MGAT5B: variants seen among roughly 807,000 people sequenced by gnomAD.
MGAT5B encodes the protein alpha-1,6-mannosylglycoprotein 6-beta-N-acetylglucosaminyltransferase B, also known as N-acetylglucosaminyl-transferase Vb.
Under a neutral mutation model 95.1 loss-of-function variants are expected in MGAT5B, and 54 were observed. The ratio of observed to expected loss-of-function variants is 0.57; its 90% CI spans 0.46 to 0.71. MGAT5B has a LOEUF of 0.71. Among genes scored for constraint, MGAT5B ranks in the 30% least tolerant of loss-of-function variants. The pLI, the probability that MGAT5B is intolerant of heterozygous loss-of-function variation, is 0.00. For synonymous variants in MGAT5B, 464 were observed against 451.0 expected (o/e 1.03, Z -0.36); for missense variants, 935 against 1,088.6 (o/e 0.86, Z 1.99).
chr17:76,923,228 C>T (rs561686075), intron 8 of MGAT5B, among the ~76,000 whole-genome samples: 2 of 152,294 alleles, frequency 1.3e-5, no homozygotes, highest in Admixed American at 1.3e-4. Flanking sequence ...TCAAGGAGCC[C>T]AGACACAGCC....
At chr17:76,880,446 A>C (rs1967367921) in intron 2 of MGAT5B, among the ~76,000 whole-genome samples, 1 of 152,140 alleles carries the variant, frequency 6.6e-6, no homozygotes, top group African/African-American at 2.4e-5. Flanking sequence ...GAGCCAGGGA[A>C]GAAGGGCAGA....
At position 76,948,010 on chromosome 17, in the gene MGAT5B, G is replaced by C. The variant is rs201168609; in HGVS notation, c.2104G>C (p.Asp702His). ...WLAVPGRACT[D>H]TCLDHGLICE... Reference sequence around the variant, plus strand: ...GGCCGTGCCTGGGAGGGCCTGCACCGACACCTGCCTGGACCACGGGCTAAT... The same window carrying C: ...GGCCGTGCCTGGGAGGGCCTGCACCCACACCTGCCTGGACCACGGGCTAAT... The change falls in exon 17 of 18, where the codon GAC becomes CAC. Residue 702 changes from aspartate to histidine, a missense_variant. Physicochemically the swap from Asp to His is moderately conservative, Grantham distance 81 (BLOSUM62 -1). This residue lies in a region of MGAT5B where 440 missense variants were observed against 523.6 expected (regional missense o/e 0.84). Coordinates refer to ENST00000569840, the MANE Select transcript of MGAT5B (RefSeq NM_001199172.2). 1.2e-6 allele frequency: 2 copies of C among 1,612,708 alleles called. No individual in the cohort carries two copies. Among genetic ancestry groups the C allele is most frequent in the Admixed American group, 1.7e-5 (1 of 59,892 alleles).
At position 76,870,599 on chromosome 17, in the gene MGAT5B, G is replaced by A. The variant is rs1158373810; in HGVS notation, c.68+1502G>A. Reference sequence around the variant, plus strand: ...CGACCCAGGGCTGCTTCCCTGTCTGGTCCTGCCCTGGTTTTCTTTCAGGCC... The same window carrying A: ...CGACCCAGGGCTGCTTCCCTGTCTGATCCTGCCCTGGTTTTCTTTCAGGCC... On this transcript the variant is annotated intron_variant, in intron 1 of 17. Transcript: ENST00000569840. This position sits in a 1 kb window ranked among gnomAD's most constrained non-coding sequence, Gnocchi z 5.0. Among the ~76,000 whole-genome samples the A allele has an allele frequency of 1.3e-5, 2 of 151,886 alleles. No individual in the cohort carries two copies. The highest frequency in any genetic ancestry group is 2.4e-5 in the African/African-American group (1 of 41,376).
Position 76,905,460 on chromosome 17 carries a change from G to T in MGAT5B, c.855+127G>T. On this transcript the variant is annotated intron_variant, in intron 7 of 17. Coordinates refer to ENST00000569840, the MANE Select transcript of MGAT5B (RefSeq NM_001199172.2). The surrounding 1 kb of genome is among the most constrained non-coding windows in gnomAD (Gnocchi z 4.2). The stretch of plus-strand genomic sequence containing the variant: ...TCTGAATTTGATCAGAGGGAGAGAG[G>T]GGTAGGGATGGCAGAGTCGGGATAG... 2 of 875,122 alleles carry T rather than the reference G, an allele frequency of 2.3e-6. No homozygotes were observed. The highest frequency in any genetic ancestry group is 4.2e-5 in the South Asian group (2 of 47,318). The allele number at this position is 875,122 out of a possible 1,614,324, so 54.2% of individuals were successfully genotyped here.
At chr17:76,924,175 G>A (rs1265466235) in intron 8 of MGAT5B, 1 of 152,260 alleles carries the variant, frequency 6.6e-6, no homozygotes, top group Non-Finnish European at 1.5e-5. Flanking sequence ...CCAGGGAGGT[G>A]GACTGAGCAG....
intron 15 of MGAT5B, among the ~76,000 whole-genome samples, chr17:76,945,991 T>G (rs1366377407): frequency 2.5e-5 from 3 of 118,934 alleles, no homozygotes; most frequent in Admixed American, 8.9e-5. Flanking sequence ...GGAGTGGGGG[T>G]GGGGCTCAGG....
chr17:76,896,927 C>T (rs76054005), intron 3 of MGAT5B, among the ~76,000 whole-genome samples: 4 of 149,556 alleles, frequency 2.7e-5, no homozygotes, highest in African/African-American at 7.4e-5. Flanking sequence ...CTCTCTCTCT[C>T]TTTTTTTTTT....
At chr17:76,876,564 A>G (rs995180253) in intron 2 of MGAT5B, among the ~76,000 whole-genome samples, 1 of 152,168 alleles carries the variant, frequency 6.6e-6, no homozygotes, top group Non-Finnish European at 1.5e-5. Flanking sequence ...GGGGTCCCAC[A>G]TGGACTGTGG....
rs1182262052 is a variant in MGAT5B at position 76,947,839 on chromosome 17, A to G, written c.1933A>G (p.Arg645Gly). The part of the protein sequence containing the change: ...HAYIQHQDFC[R>G]APDPALPEAH... ...GCTCTCCTCCTTGCAGGACTTCTGC[A>G]GAGCTCCAGACCCTGCCCTACCAGA... The change falls in exon 17 of 18, where the codon AGA becomes GGA. Residue 645 changes from arginine (R) to glycine (G), a missense_variant. Arg to Gly is a moderately radical substitution (Grantham distance 125, BLOSUM62 -2). This residue lies in a region of MGAT5B where 440 missense variants were observed against 523.6 expected (regional missense o/e 0.84). Transcript: ENST00000569840. 3 of 1,562,008 alleles carry G rather than the reference A, an allele frequency of 1.9e-6. No homozygotes were observed. The highest frequency in any genetic ancestry group is 3.8e-5 in the Admixed American group (2 of 52,296).
chr17:76,940,797 C>T lies in MGAT5B; in HGVS notation c.1797C>T (p.Tyr599=). The T allele has an allele frequency of 6.2e-7, 1 of 1,614,130 alleles. No individual in the cohort carries two copies. The highest frequency in any genetic ancestry group is 8.5e-7 in the Non-Finnish European group (1 of 1,180,036). ...AGCCCCACGTGTGGACAGTCGACTA[C>T]AACAACTCAGAGGAGTTTGAAGCAG... ...IGKPHVWTVD[Y]NNSEEFEAAI... Residue 599 remains tyrosine, a synonymous_variant, in exon 15 of 18, where the codon TAC becomes TAT. Coordinates refer to ENST00000569840, the MANE Select transcript of MGAT5B (RefSeq NM_001199172.2). The surrounding 1 kb of genome is among the most constrained non-coding windows in gnomAD (Gnocchi z 4.3).
At chr17:76,923,424 C>T (rs1369207651) in intron 8 of MGAT5B, among the ~76,000 whole-genome samples, 2 of 152,102 alleles carry the variant, frequency 1.3e-5, no homozygotes, top group Admixed American at 6.5e-5. Flanking sequence ...AGGTGGGCAT[C>T]CCCGGGAGAT....
chr17:76,910,830 T>G (rs1441814237), intron 8 of MGAT5B, among the ~76,000 whole-genome samples: 1 of 152,182 alleles, frequency 6.6e-6, no homozygotes, highest in East Asian at 1.9e-4. Context: ...GTGGGGTGTA[T>G]GTGTGAATGA....
chr17:76,937,238 C>A (rs993146329), intron 12 of MGAT5B, among the ~76,000 whole-genome samples: 3 of 152,170 alleles, frequency 2.0e-5, no homozygotes, highest in African/African-American at 7.2e-5. Context: ...GGGTGGAATT[C>A]CTCTGAGTTC....
chr17:76,892,782 T>G (rs1967923356), intron 3 of MGAT5B, among the ~76,000 whole-genome samples: 1 of 152,192 alleles, frequency 6.6e-6, no homozygotes, highest in Non-Finnish European at 1.5e-5. Flanking sequence ...CCAGCCTTGG[T>G]GCCCAGTGAT....
At chr17:76,896,945 GTC>G (rs1968083275) in intron 3 of MGAT5B, among the ~76,000 whole-genome samples, 1 of 151,664 alleles carries the variant, frequency 6.6e-6, no homozygotes, top group Non-Finnish European at 1.5e-5. Context: ...TTTAAACAAA[GTC>G]TTGTTCTGTC....
chr17:76,874,334 A>C (rs929136679), intron 2 of MGAT5B, among the ~76,000 whole-genome samples: 2 of 152,126 alleles, frequency 1.3e-5, no homozygotes, highest in Admixed American at 6.5e-5. Flanking sequence ...CACTGCAGCA[A>C]AGCGTGTTTA....
chr17:76,936,650 G>A (rs1010186909), intron 12 of MGAT5B, among the ~76,000 whole-genome samples: 2 of 152,052 alleles, frequency 1.3e-5, no homozygotes, highest in African/African-American at 2.4e-5. Context: ...GTTCTTTTAC[G>A]TTTTTGCGTG....
intron 8 of MGAT5B, among the ~76,000 whole-genome samples, chr17:76,920,571 A>G (rs1287104976): frequency 6.6e-6 from 1 of 152,180 alleles, no homozygotes; most frequent in Non-Finnish European, 1.5e-5. Context: ...ATTTCTTCTG[A>G]TAAGAGCAAT....
chr17:76,925,071 C>T lies in MGAT5B; in HGVS notation c.1131C>T (p.His377=). Residue 377 remains histidine (H), a synonymous_variant, in exon 9 of 18, where the codon CAC becomes CAT. Transcript: ENST00000569840. ...ACGGCCTGCAGCAGATGAAGCGGCA[C>T]ATGGGACTCTCCTTCAAGAAGTACC... The part of the protein sequence containing the change: ...DYHGLQQMKR[H]MGLSFKKYRC... 6.2e-7 allele frequency: 1 copy of T among 1,611,488 alleles called. No individual in the cohort carries two copies. Among genetic ancestry groups the T allele is most frequent in the Non-Finnish European group, 8.5e-7 (1 of 1,179,342 alleles).
Sources: allele counts gnomAD v4.1 joint callset (sites outside exome capture counted in the v4.1 genomes callset), GRCh38; gene constraint gnomAD v4.1.1; regional missense constraint gnomAD v4.1.1; non-coding constraint Gnocchi (gnomAD v3.1); transcripts MANE v1.5; gene names NCBI Gene and HGNC (gene_info 2026-07-23, HGNC 2026-07-21).